EEPD1: variants seen among roughly 807,000 people sequenced by gnomAD.
EEPD1 encodes endonuclease/exonuclease/phosphatase family domain containing 1, also known as endonuclease/exonuclease/phosphatase family domain-containing protein 1.
A neutral mutation model predicts 46.3 loss-of-function variants in EEPD1; 17 were observed. The ratio of observed to expected loss-of-function variants is 0.37; its 90% confidence interval spans 0.25 to 0.55. EEPD1 has a LOEUF of 0.55. Ranked by LOEUF, EEPD1 falls within the 20% of genes least tolerant of loss-of-function variation. The pLI is 0.83. For synonymous variants in EEPD1, 313 were observed against 315.6 expected (o/e 0.99, Z 0.09); for missense variants, 673 against 745.6 (o/e 0.90, Z 1.13).
rs1044155062 is a variant in EEPD1 at position 36,193,828 on chromosome 7, C to G, written c.878+38626C>G. On this transcript the variant is annotated intron_variant, in intron 2 of 7. Coordinates refer to ENST00000242108, the MANE Select transcript of EEPD1 (RefSeq NM_030636.3). This position sits in a 1 kb window ranked among gnomAD's most constrained non-coding sequence, Gnocchi z 4.9. The stretch of plus-strand genomic sequence containing the variant: ...GGTGCCCTCTCTTTATGGCTGCCAC[C>G]TCCCTCTGGGAGGGCCTGGGGGACC... Among the ~76,000 whole-genome samples the G allele has an allele frequency of 6.6e-6, 1 of 152,194 alleles. No homozygotes were observed. Among genetic ancestry groups the G allele is most frequent in the East Asian group, 1.9e-4 (1 of 5,192 alleles).
intron 3 of EEPD1, among the ~76,000 whole-genome samples, chr7:36,278,009 C>T (rs1787206935): frequency 6.6e-6 from 1 of 152,162 alleles, no homozygotes; most frequent in African/African-American, 2.4e-5. Flanking sequence ...TTTTCTTCAT[C>T]CATGAAATCA....
intron 2 of EEPD1, among the ~76,000 whole-genome samples, chr7:36,173,497 TAA>T (rs879764843): frequency 7.8e-5 from 11 of 141,516 alleles, no homozygotes; most frequent in Admixed American, 7.1e-5. Context: ...GACTCCGTCT[TAA>T]AAAAAAAAAA....
intron 2 of EEPD1, among the ~76,000 whole-genome samples, chr7:36,232,395 G>A (rs988646256): frequency 2.6e-4 from 40 of 151,590 alleles, no homozygotes; most frequent in Admixed American, 2.1e-3. Flanking sequence ...TAGAAGAGAC[G>A]GGGTTTCACT....
chr7:36,296,491 G>A (rs1360142254), intron 6 of EEPD1, among the ~76,000 whole-genome samples: 1 of 152,122 alleles, frequency 6.6e-6, no homozygotes, highest in Non-Finnish European at 1.5e-5. Context: ...TCTCCTCCGG[G>A]AAGCCTTCCC....
intron 3 of EEPD1, among the ~76,000 whole-genome samples, chr7:36,259,426 G>A (rs998606051): frequency 6.6e-5 from 10 of 152,044 alleles, no homozygotes; most frequent in East Asian, 5.8e-4. Context: ...GCTGTATTCC[G>A]TCTTTCCCCC....
chr7:36,267,866 C>T (rs1029795987), intron 3 of EEPD1, among the ~76,000 whole-genome samples: 5 of 152,100 alleles, frequency 3.3e-5, no homozygotes, highest in Admixed American at 3.3e-4. Context: ...GTACAGCCCT[C>T]ATCAATGAGA....
intron 2 of EEPD1, among the ~76,000 whole-genome samples, chr7:36,237,733 T>G (rs1184084301): frequency 6.6e-6 from 1 of 152,156 alleles, no homozygotes; most frequent in Non-Finnish European, 1.5e-5. Flanking sequence ...GGTGGATCAC[T>G]TGAAGCCGGG....
At chr7:36,288,488 C>A (rs196597) in intron 6 of EEPD1, among the ~76,000 whole-genome samples, 1 of 152,102 alleles carries the variant, frequency 6.6e-6, no homozygotes, top group South Asian at 2.1e-4. Context: ...TAGCTAGGCA[C>A]GGTAGCTCAT....
At chr7:36,283,285 G>A (rs1462425014) in intron 4 of EEPD1, among the ~76,000 whole-genome samples, 1 of 152,230 alleles carries the variant, frequency 6.6e-6, no homozygotes, top group Admixed American at 6.5e-5. Context: ...ACCAGCGGTG[G>A]AAGGAGCAGC....
chr7:36,283,694 C>G (rs1787296768), intron 4 of EEPD1, among the ~76,000 whole-genome samples: 1 of 152,180 alleles, frequency 6.6e-6, no homozygotes, highest in Non-Finnish European at 1.5e-5. Flanking sequence ...GCACAGCATA[C>G]AATACATTCA....
chr7:36,299,633 C>A lies in EEPD1; in HGVS notation c.*427C>A, dbSNP rs1411044886. ...GCTATGACGTTCCTGCTGCGCATTA[C>A]AGAAAGCTTTTAACTGTGATCAGGC... is the stretch of plus-strand genomic sequence containing the variant. On this transcript the variant is annotated 3_prime_UTR_variant, in exon 8 of 8. Transcript: ENST00000242108. 3.7e-5 allele frequency: 7 copies of A among 188,946 alleles called. No homozygotes were observed. The highest frequency in any genetic ancestry group is 7.7e-5 in the Non-Finnish European group (7 of 90,626). The allele number at this position is 188,946 out of a possible 1,614,324, so 11.7% of individuals were successfully genotyped here.
chr7:36,155,408 C>T (rs1370381426), intron 2 of EEPD1, among the ~76,000 whole-genome samples: 1 of 152,292 alleles, frequency 6.6e-6, no homozygotes, highest in East Asian at 1.9e-4. Flanking sequence ...GGGCTTGTGA[C>T]CCATGTCTTG....
rs1230480878 is a variant in EEPD1 at position 36,280,648 on chromosome 7, C to T, written c.931-467C>T. On this transcript the variant is annotated intron_variant, in intron 3 of 7. Transcript: ENST00000242108. ...CAAGAGGTAAACAAGACAAGCACTA[C>T]GGTGGTTCAAGTTGAAGCTGGAGGT... is the stretch of plus-strand genomic sequence containing the variant. 5.3e-5 allele frequency among the ~76,000 whole-genome samples: 8 copies of T among 152,180 alleles called. No homozygotes were observed. In the East Asian group the frequency reaches 1.5e-3, roughly 29 times the overall value.
At chr7:36,164,143 AT>A (rs1408818216) in intron 2 of EEPD1, among the ~76,000 whole-genome samples, 1 of 152,190 alleles carries the variant, frequency 6.6e-6, no homozygotes, top group Non-Finnish European at 1.5e-5. Context: ...AGGATACTAT[AT>A]TTTTTATGAC....
chr7:36,291,252 A>G lies in EEPD1; in HGVS notation c.1315+3475A>G, dbSNP rs541972006. 6.6e-5 allele frequency among the ~76,000 whole-genome samples: 10 copies of G among 152,252 alleles called. No individual in the cohort carries two copies. The East Asian group carries it at 1.9e-3, about 29-fold the overall frequency. On this transcript the variant is annotated intron_variant, in intron 6 of 7. Transcript: ENST00000242108. The stretch of plus-strand genomic sequence containing the variant: ...TCAAACTGCACCCTAATTCTGGGAC[A>G]TTTGTGGTTCCGCTTGTCTGTTGCT...
chr7:36,250,093 A>C (rs1444357952), intron 3 of EEPD1, among the ~76,000 whole-genome samples: 1 of 152,132 alleles, frequency 6.6e-6, no homozygotes, highest in Non-Finnish European at 1.5e-5. Flanking sequence ...ATGGTAGCAT[A>C]CATTTGTAGT....
chr7:36,294,227 A>C (rs979914478), intron 6 of EEPD1, among the ~76,000 whole-genome samples: 2 of 152,224 alleles, frequency 1.3e-5, no homozygotes, highest in Non-Finnish European at 2.9e-5. Flanking sequence ...TTTGGGAATG[A>C]AAATTTCAAT....
rs1787500731 is a variant in EEPD1, at chr7:36,295,064, G to A, written c.1316-1929G>A. Among the ~76,000 whole-genome samples the A allele has an allele frequency of 2.6e-5, 4 of 151,988 alleles. No homozygotes were observed. The South Asian group carries it at 8.3e-4, about 32-fold the overall frequency. ...GTGGTGGTCCATACCTGTAATCCCA[G>A]CTACTCAGGAGGCTGAGGCAGGAGG... On this transcript the variant is annotated intron_variant, in intron 6 of 7. Transcript: ENST00000242108.
At chr7:36,186,152 G>A (rs1785356967) in intron 2 of EEPD1, among the ~76,000 whole-genome samples, 4 of 152,192 alleles carry the variant, frequency 2.6e-5, no homozygotes, top group Admixed American at 2.6e-4. Flanking sequence ...CAAATGGGCA[G>A]ACTAGACTTT....
Sources: allele counts gnomAD v4.1 joint callset (sites outside exome capture counted in the v4.1 genomes callset), GRCh38; gene constraint gnomAD v4.1.1; non-coding constraint Gnocchi (gnomAD v3.1); transcripts MANE v1.5; gene names NCBI Gene and HGNC (gene_info 2026-07-23, HGNC 2026-07-21).